Variants in SPHKAP observed in about 807,000 individuals in gnomAD.
SPHKAP encodes SPHK1 interactor, AKAP domain containing, also known as A-kinase anchor protein SPHKAP.
A neutral mutation model predicts 137.5 loss-of-function variants in SPHKAP; 67 were observed. The ratio of observed to expected loss-of-function variants is 0.49; its 90% CI spans 0.40 to 0.60. The LOEUF (loss-of-function observed/expected upper bound fraction) is 0.60. SPHKAP is among the 20% of genes least tolerant of loss of function. The pLI, the probability that SPHKAP is intolerant of heterozygous loss-of-function variation, is 0.00. For missense variants in SPHKAP, 2,097 were observed against 2,069.3 expected (o/e 1.01, Z -0.26); for synonymous variants, 813 against 785.3 (o/e 1.04, Z -0.59).
chr2:228,053,536 G>A (rs1368777574), intron 3 of SPHKAP, among the ~76,000 whole-genome samples: 1 of 152,012 alleles, frequency 6.6e-6, no homozygotes, highest in African/African-American at 2.4e-5. Flanking sequence ...GTGTCTTAGT[G>A]GATAGATTTT....
At chr2:228,044,905 ATAAC>A (rs1695978397) in intron 3 of SPHKAP, among the ~76,000 whole-genome samples, 1 of 152,212 alleles carries the variant, frequency 6.6e-6, no homozygotes, top group African/African-American at 2.4e-5. Flanking sequence ...TTACAAGAAA[ATAAC>A]AAACAACCCC....
At chr2:228,034,631 A>G (rs971485510) in intron 3 of SPHKAP, among the ~76,000 whole-genome samples, 1 of 152,232 alleles carries the variant, frequency 6.6e-6, no homozygotes, top group African/African-American at 2.4e-5. Context: ...AAAATCCTCA[A>G]TAAAATATTG....
intron 1 of SPHKAP, chr2:228,173,064 C>G (rs1280204472): frequency 3.0e-6 from 3 of 985,266 alleles, no homozygotes; most frequent in Non-Finnish European, 3.6e-6. Flanking sequence ...CAGGTCCATC[C>G]TGATCTGGTT....
chr2:228,111,993 GA>G (rs1235879545), intron 2 of SPHKAP, among the ~76,000 whole-genome samples: 1 of 152,022 alleles, frequency 6.6e-6, no homozygotes. Flanking sequence ...TGAAAGAGAG[GA>G]AACTTTTTGT....
intron 1 of SPHKAP, among the ~76,000 whole-genome samples, chr2:228,148,344 C>T (rs1270357209): frequency 6.6e-6 from 1 of 152,198 alleles, no homozygotes; most frequent in Non-Finnish European, 1.5e-5. Flanking sequence ...CTCTGCCTAA[C>T]TAAAAATGTC....
chr2:227,982,310 G>T, intron 11 of SPHKAP: 4 of 985,194 alleles, frequency 4.1e-6, no homozygotes, highest in Non-Finnish European at 4.8e-6. Context: ...CTTTGATGCA[G>T]GACCACCTAT....
chr2:228,003,417 T>A (rs1264329273), intron 7 of SPHKAP, among the ~76,000 whole-genome samples: 3 of 152,248 alleles, frequency 2.0e-5, no homozygotes, highest in Admixed American at 2.0e-4. Flanking sequence ...TGATTTTGTA[T>A]CCTGAGACTT....
In SPHKAP at chr2:227,981,754, C is replaced by T. The variant is rs779508820; in HGVS notation, c.5066G>A (p.Arg1689Lys). ...CKMHEEQKDGRLSLFDWLLEL... is the reference protein window; with the variant it reads ...CKMHEEQKDGKLSLFDWLLEL... ...CAAGAGCCAGTCAAAGAGACTCAGT[C>T]TCCCATCCTTCTGCTCCTCATGCAT... The change falls in exon 12 of 12, where the codon AGA (arginine) becomes AAA (lysine). Residue 1689 changes from arginine to lysine, a missense_variant. Physicochemically the swap from Arg to Lys is conservative, Grantham distance 26. Transcript: ENST00000392056. The T allele has an allele frequency of 2.5e-6, 4 of 1,613,872 alleles. No individual in the cohort carries two copies. In the Admixed American group the frequency reaches 6.7e-5, roughly 27 times the overall value.
chr2:228,028,171 C>T (rs1416381006), intron 3 of SPHKAP: 2 of 512,942 alleles, frequency 3.9e-6, no homozygotes, highest in African/African-American at 2.1e-5. Flanking sequence ...GTTATCAGAT[C>T]TCATGAAATA....
rs749944611 is a variant in SPHKAP at position 228,019,912 on chromosome 2, C to T, written c.942G>A (p.Gly314=). The T allele has an allele frequency of 5.0e-6, 8 of 1,614,244 alleles. No homozygotes were observed. The South Asian group carries it at 7.7e-5, about 16-fold the overall frequency. The change falls in exon 7 of 12, where the codon GGG becomes GGA. Residue 314 remains glycine, a synonymous_variant. Coordinates refer to ENST00000392056, the MANE Select transcript of SPHKAP (RefSeq NM_001142644.2). ...AATAATGTGTGGCTTGTCTCCCATT[C>T]CCCACAGCTTCTCTTTTCCACTGTG... ...KPSQWKREAV[G]NGRQATHYYH...
In SPHKAP at chr2:227,981,428, G is replaced by T. The variant is rs1692989515; in HGVS notation, c.*289C>A. On this transcript the variant is annotated 3_prime_UTR_variant, in exon 12 of 12. Coordinates refer to ENST00000392056, the MANE Select transcript of SPHKAP (RefSeq NM_001142644.2). ...GTGAGTGTTGTTTTCCTGGAGATTGGGTCTCATTATAAGCATTCTAATTTG... is the reference window on the plus strand; with the variant it reads ...GTGAGTGTTGTTTTCCTGGAGATTGTGTCTCATTATAAGCATTCTAATTTG... 1 of 238,448 alleles carries T rather than the reference G, an allele frequency of 4.2e-6. No homozygotes were observed. The highest frequency in any genetic ancestry group is 8.0e-6 in the Non-Finnish European group (1 of 125,340). The allele number at this position is 238,448 out of a possible 1,614,324, so 14.8% of individuals were successfully genotyped here.
At chr2:228,036,735 G>C (rs1320111945) in intron 3 of SPHKAP, among the ~76,000 whole-genome samples, 3 of 152,100 alleles carry the variant, frequency 2.0e-5, no homozygotes, top group Non-Finnish European at 4.4e-5. Flanking sequence ...CCTTTGTAGG[G>C]ACACGGATGA....
intron 1 of SPHKAP, among the ~76,000 whole-genome samples, chr2:228,139,945 CT>C (rs1699550505): frequency 1.4e-5 from 1 of 71,616 alleles, no homozygotes; most frequent in South Asian, 3.8e-4. Context: ...TTTTTCTTTT[CT>C]TTTTTCTTTT....
At chr2:228,099,065 G>C (rs1344206895) in intron 3 of SPHKAP, among the ~76,000 whole-genome samples, 2 of 151,930 alleles carry the variant, frequency 1.3e-5, no homozygotes, top group Admixed American at 1.3e-4. Context: ...TTTTGTTTTT[G>C]TTGCAATTGC....
chr2:228,124,433 G>A (rs1249308236), intron 2 of SPHKAP, among the ~76,000 whole-genome samples: 1 of 151,972 alleles, frequency 6.6e-6, no homozygotes, highest in East Asian at 1.9e-4. Context: ...GTCCTTTGTA[G>A]GGACATGGAT....
chr2:228,053,516 G>T (rs1696333815), intron 3 of SPHKAP, among the ~76,000 whole-genome samples: 1 of 152,146 alleles, frequency 6.6e-6, no homozygotes, highest in Admixed American at 6.5e-5. Flanking sequence ...GTACACAGGG[G>T]CTGGGGGGAG....
intron 1 of SPHKAP, among the ~76,000 whole-genome samples, chr2:228,177,912 C>A (rs926178159): frequency 2.0e-5 from 3 of 152,128 alleles, no homozygotes; most frequent in East Asian, 3.9e-4. Context: ...AAAATAGAAT[C>A]CAGTAAACCA....
At chr2:228,095,845 T>C (rs1038580571) in intron 3 of SPHKAP, among the ~76,000 whole-genome samples, 20 of 152,158 alleles carry the variant, frequency 1.3e-4, no homozygotes, top group Admixed American at 1.2e-3. Flanking sequence ...ATGATGACCA[T>C]TTGTTGTCTT....
In SPHKAP at chr2:228,136,936, C is replaced by T. The variant is rs536982401; in HGVS notation, c.33-4851G>A. 1.8e-4 allele frequency among the ~76,000 whole-genome samples: 28 copies of T among 152,188 alleles called. 1 individual carries two copies. The South Asian group carries it at 5.6e-3, about 31-fold the overall frequency. On this transcript the variant is annotated intron_variant, in intron 1 of 11. Transcript: ENST00000392056. ...CCCTTCTTGATAATTCCTACTCTGT[C>T]CTTTGGGTCTCAGCTTATAAATTAC...
Sources: allele counts gnomAD v4.1 joint callset (sites outside exome capture counted in the v4.1 genomes callset), GRCh38; gene constraint gnomAD v4.1.1; transcripts MANE v1.5; gene names NCBI Gene and HGNC (gene_info 2026-07-23, HGNC 2026-07-21).